Variants in LHFPL3 observed in about 807,000 individuals in gnomAD.
LHFPL3 encodes the protein LHFPL tetraspan subfamily member 3 protein.
LHFPL3 carries 5 observed loss-of-function variants against 19.3 expected under a neutral mutation model. The observed-to-expected ratio is 0.26, with a 90% CI of 0.14 to 0.54. The LOEUF is 0.54. Among genes scored for constraint, LHFPL3 ranks in the 20% least tolerant of loss-of-function variants. LHFPL3 has a pLI of 0.94. For synonymous variants in LHFPL3, 133 were observed against 126.2 expected (o/e 1.05, Z -0.36); for missense variants, 249 against 307.4 (o/e 0.81, Z 1.42).
chr7:104,869,510 T>C (rs1791792101), intron 2 of LHFPL3, among the ~76,000 whole-genome samples: 1 of 151,978 alleles, frequency 6.6e-6, no homozygotes, highest in South Asian at 2.1e-4. Flanking sequence ...TCACTGGCCA[T>C]CAGAGAAATG....
At chr7:104,485,716 C>T (rs185799821) in intron 1 of LHFPL3, among the ~76,000 whole-genome samples, 13 of 152,174 alleles carry the variant, frequency 8.5e-5, no homozygotes, top group Admixed American at 3.3e-4. Context: ...GTTTGCTGCA[C>T]CCATCAACTC....
At chr7:104,875,963 G>A (rs573935939) in intron 2 of LHFPL3, among the ~76,000 whole-genome samples, 2 of 152,082 alleles carry the variant, frequency 1.3e-5, no homozygotes, top group Non-Finnish European at 2.9e-5. Context: ...GAGCCCCAAT[G>A]CCTGGCACAC....
chr7:104,362,599 C>T (rs1301748668), intron 1 of LHFPL3, among the ~76,000 whole-genome samples: 5 of 152,112 alleles, frequency 3.3e-5, no homozygotes, highest in African/African-American at 1.2e-4. Flanking sequence ...ATGTAACTGC[C>T]CAATGGGTTC....
chr7:104,440,967 A>C (rs1289781656), intron 1 of LHFPL3, among the ~76,000 whole-genome samples: 1 of 152,170 alleles, frequency 6.6e-6, no homozygotes, highest in South Asian at 2.1e-4. Context: ...CACCACAATC[A>C]AGGTAATAAA....
chr7:104,801,602 G>C (rs183757881), intron 2 of LHFPL3, among the ~76,000 whole-genome samples: 1 of 152,048 alleles, frequency 6.6e-6, no homozygotes, highest in Admixed American at 6.6e-5. Context: ...ATGGAGTCTC[G>C]GTCTATTGCC....
intron 1 of LHFPL3, among the ~76,000 whole-genome samples, chr7:104,425,006 G>A (rs112674932): frequency 0.2 from 24,564 of 120,250 alleles, 3,429 homozygotes; most frequent in African/African-American, 0.36. Context: ...AAAAAAAAAA[G>A]AAGTATCTGA....
chr7:104,519,446 G>C (rs1793999926), intron 1 of LHFPL3, among the ~76,000 whole-genome samples: 1 of 152,136 alleles, frequency 6.6e-6, no homozygotes, highest in Admixed American at 6.6e-5. Context: ...AAACTTAAAT[G>C]ATGACATTCC....
chr7:104,490,470 A>C (rs1008199762), intron 1 of LHFPL3, among the ~76,000 whole-genome samples: 1 of 152,028 alleles, frequency 6.6e-6, no homozygotes, highest in Non-Finnish European at 1.5e-5. Context: ...CAGCAAATGC[A>C]TGAGTTCATT....
intron 2 of LHFPL3, among the ~76,000 whole-genome samples, chr7:104,876,176 C>T (rs1278003779): frequency 6.6e-6 from 1 of 152,030 alleles, no homozygotes; most frequent in African/African-American, 2.4e-5. Context: ...CCATAAAAAC[C>T]CTAGAAGAAA....
chr7:104,666,278 G>C (rs914766436), intron 1 of LHFPL3, among the ~76,000 whole-genome samples: 8 of 151,554 alleles, frequency 5.3e-5, no homozygotes, highest in Non-Finnish European at 1.0e-4. Context: ...CTATCTAACT[G>C]TATGTTTATA....
rs527639628 is a variant in LHFPL3, at chr7:104,347,307, A to G, written c.445+18083A>G. On this transcript the variant is annotated intron_variant, in intron 1 of 2. Transcript: ENST00000424859. ...GTTGCCAAGCCATTGCTACTCCACT[A>G]TTTATTGAGTAAGGTCAGTCCTTTC... 2.0e-5 allele frequency among the ~76,000 whole-genome samples: 3 copies of G among 152,198 alleles called. No individual in the cohort carries two copies. The East Asian group carries it at 5.8e-4, about 29-fold the overall frequency.
At chr7:104,331,032 C>G (rs1801557876) in intron 1 of LHFPL3, among the ~76,000 whole-genome samples, 1 of 152,192 alleles carries the variant, frequency 6.6e-6, no homozygotes, top group Admixed American at 6.5e-5. Context: ...ACAACGTATT[C>G]TTCAATGTTT....
At chr7:104,430,454 A>ATGTATATATATATATATAT (rs1562895362) in intron 1 of LHFPL3, among the ~76,000 whole-genome samples, 1 of 15,298 alleles carries the variant, frequency 6.5e-5, no homozygotes, top group Non-Finnish European at 1.1e-4. Context: ...ATATATATAT[A>ATGTATATATATATATATAT]TTTTTTTTTT....
chr7:104,522,733 G>C (rs1794096209), intron 1 of LHFPL3, among the ~76,000 whole-genome samples: 3 of 152,116 alleles, frequency 2.0e-5, no homozygotes, highest in African/African-American at 4.8e-5. Context: ...TTCATGTAAA[G>C]AGGATTTTAT....
intron 1 of LHFPL3, among the ~76,000 whole-genome samples, chr7:104,610,127 A>G (rs1461922443): frequency 6.6e-6 from 1 of 152,234 alleles, no homozygotes; most frequent in Admixed American, 6.5e-5. Flanking sequence ...TTCTGTAACT[A>G]GCAATCCAAT....
chr7:104,484,598 G>T (rs1280571082), intron 1 of LHFPL3, among the ~76,000 whole-genome samples: 4 of 152,166 alleles, frequency 2.6e-5, no homozygotes, highest in African/African-American at 2.4e-5. Context: ...AGAGCAGGAG[G>T]GTGTCTTGGT....
intron 2 of LHFPL3, among the ~76,000 whole-genome samples, chr7:104,847,695 A>G (rs754500773): frequency 5.3e-5 from 8 of 152,230 alleles, no homozygotes; most frequent in Non-Finnish European, 7.3e-5. Context: ...TATTTTTAAT[A>G]GAGACGAGAT....
intron 1 of LHFPL3, among the ~76,000 whole-genome samples, chr7:104,487,558 C>T (rs565858072): frequency 9.9e-5 from 15 of 152,188 alleles, no homozygotes; most frequent in Non-Finnish European, 2.2e-4. Flanking sequence ...CTGGAGCACC[C>T]AGAGAAAACC....
At chr7:104,667,084 T>A (rs531947724) in intron 1 of LHFPL3, among the ~76,000 whole-genome samples, 6 of 152,216 alleles carry the variant, frequency 3.9e-5, no homozygotes, top group Non-Finnish European at 8.8e-5. Flanking sequence ...TTTTCCATAA[T>A]AGCTGTACCA....
Sources: gnomAD v4.1 joint callset for allele counts (sites outside exome capture counted in the v4.1 genomes callset) on GRCh38, gnomAD v4.1.1 for gene constraint, MANE v1.5 for transcripts, NCBI Gene and HGNC (gene_info 2026-07-23, HGNC 2026-07-21) for gene names.